The following ARMH4 variants were observed in gnomAD, a reference collection of about 807,000 sequenced individuals.
ARMH4 encodes armadillo like helical domain containing 4.
In ARMH4, 49 loss-of-function variants were observed where a neutral mutation model predicts 61.9. The ratio of observed to expected loss-of-function variants is 0.79; its 90% CI spans 0.63 to 1.00. The LOEUF is 1.00. Ranked by LOEUF, ARMH4 falls within the 50% of genes least tolerant of loss-of-function variation. The pLI is 0.00. For missense variants in ARMH4, 934 were observed against 930.0 expected, an observed-to-expected ratio of 1.00 and a Z score of -0.06; for synonymous variants, 368 against 341.5, an observed-to-expected ratio of 1.08 and a Z score of -0.85.
intron 4 of ARMH4, among the ~76,000 whole-genome samples, chr14:58,102,084 A>G (rs12587506): frequency 0.39 from 59,118 of 152,074 alleles, 13,123 homozygotes; most frequent in Non-Finnish European, 0.51. Flanking sequence ...CCTCAAGGTG[A>G]TAACGTTTTG....
At chr14:58,038,534 C>T (rs1481125213) in intron 5 of ARMH4, among the ~76,000 whole-genome samples, 2 of 110,300 alleles carry the variant, frequency 1.8e-5, no homozygotes, top group Admixed American at 9.2e-5. Flanking sequence ...CACATGTACC[C>T]TAAAATTTAA....
chr14:58,143,522 G>A (rs1356641512), intron 1 of ARMH4, among the ~76,000 whole-genome samples: 1 of 152,160 alleles, frequency 6.6e-6, no homozygotes, highest in Non-Finnish European at 1.5e-5. Flanking sequence ...GGAGTGCACT[G>A]ATGCCATCTC....
Position 58,096,982 on chromosome 14 carries a change from C to T in ARMH4, c.1832-1G>A. 1 of 1,612,814 alleles carries T rather than the reference C, an allele frequency of 6.2e-7. No homozygotes were observed. The highest frequency in any genetic ancestry group is 8.5e-7 in the Non-Finnish European group (1 of 1,179,080). On this transcript the variant is annotated splice_acceptor_variant, in intron 4 of 7. Transcript: ENST00000267485. LOFTEE classifies it high-confidence loss of function. The stretch of plus-strand genomic sequence containing the variant: ...TCTTCATCCTCATCTTCTTGTCCCT[C>T]TAGGCAAAAAGAAATCAAAGGGAAG...
intron 5 of ARMH4, among the ~76,000 whole-genome samples, chr14:58,092,686 C>T (rs950126959): frequency 2.6e-5 from 4 of 152,152 alleles, no homozygotes; most frequent in African/African-American, 9.7e-5. Context: ...ACTCCGACCT[C>T]GCTCCCATCA....
intron 5 of ARMH4, among the ~76,000 whole-genome samples, chr14:58,020,572 GTC>G (rs1465054502): frequency 6.6e-6 from 1 of 151,698 alleles, no homozygotes; most frequent in Non-Finnish European, 1.5e-5. Context: ...TTCTCTCCCT[GTC>G]TCTCTCTTCC....
Position 58,002,989 on chromosome 14 carries a change from G to T in ARMH4, c.*1747C>A, listed in dbSNP as rs1002353774. The stretch of plus-strand genomic sequence containing the variant: ...TTATTCAAAAACGGATTCTAGGAAG[G>T]TTTATTAGTTCCATAGAGGTGATAC... On this transcript the variant is annotated 3_prime_UTR_variant, in exon 8 of 8. Coordinates refer to ENST00000267485, the MANE Select transcript of ARMH4 (RefSeq NM_001001872.4). The T allele has an allele frequency of 3.3e-5, 5 of 152,156 alleles. No homozygotes were observed. The highest frequency in any genetic ancestry group is 1.2e-4 in the African/African-American group (5 of 41,444). 9.4% of individuals were successfully genotyped at this position (152,156 alleles called of 1,614,324 possible). A position where few individuals can be genotyped will look rare whatever the true frequency, so the allele number is the denominator to read the frequency against.
At chr14:58,086,968 G>C (rs1885405612) in intron 5 of ARMH4, among the ~76,000 whole-genome samples, 2 of 152,210 alleles carry the variant, frequency 1.3e-5, no homozygotes, top group South Asian at 4.2e-4. Flanking sequence ...GTCTCAGACA[G>C]AGCAACAAAA....
At chr14:58,029,649 T>C (rs1883155618) in intron 5 of ARMH4, among the ~76,000 whole-genome samples, 1 of 151,914 alleles carries the variant, frequency 6.6e-6, no homozygotes, top group Non-Finnish European at 1.5e-5. Flanking sequence ...AAAACCACAG[T>C]GAGGTAGTAC....
intron 5 of ARMH4, among the ~76,000 whole-genome samples, chr14:58,039,459 A>G (rs1224698333): frequency 6.6e-6 from 1 of 152,210 alleles, no homozygotes; most frequent in African/African-American, 2.4e-5. Flanking sequence ...TTGCATTTTT[A>G]CAACACTTTA....
chr14:58,127,252 C>T (rs1363103457), intron 4 of ARMH4, among the ~76,000 whole-genome samples: 3 of 152,106 alleles, frequency 2.0e-5, no homozygotes, highest in African/African-American at 7.2e-5. Flanking sequence ...TTGTAGCTCC[C>T]ATAATCCCCA....
At chr14:58,081,859 A>G (rs1885236500) in intron 5 of ARMH4, among the ~76,000 whole-genome samples, 1 of 152,000 alleles carries the variant, frequency 6.6e-6, no homozygotes, top group Admixed American at 6.6e-5. Context: ...TAAGGTAGTC[A>G]TGTTGGGATT....
rs1757915598 is a variant in ARMH4, at chr14:58,003,617, C to T, written c.*1119G>A. On this transcript the variant is annotated 3_prime_UTR_variant, in exon 8 of 8. Transcript: ENST00000267485. ...TTTGTATAGGGCAGGGAATTACATT[C>T]CAAGGGAGATGAGAAATGATTGAAC... The T allele has an allele frequency of 6.6e-6, 1 of 152,188 alleles. No homozygotes were observed. Among genetic ancestry groups the T allele is most frequent in the Admixed American group, 6.5e-5 (1 of 15,280 alleles). The allele number at this position is 152,188 out of a possible 1,614,324, so 9.4% of individuals were successfully genotyped here. A position where few individuals can be genotyped will look rare whatever the true frequency, so the allele number is the denominator to read the frequency against.
chr14:58,120,731 G>A (rs1021828687), intron 4 of ARMH4, among the ~76,000 whole-genome samples: 34 of 152,214 alleles, frequency 2.2e-4, no homozygotes, highest in African/African-American at 7.5e-4. Flanking sequence ...AGAAACAATA[G>A]GTGACAAATG....
rs758783966 is a variant in ARMH4 at position 58,133,075 on chromosome 14, T to G, written c.1621+15A>C. 14 of 1,613,452 alleles carry G rather than the reference T, an allele frequency of 8.7e-6. No homozygotes were observed. In the East Asian group the frequency reaches 1.3e-4, roughly 15 times the overall value. On this transcript the variant is annotated intron_variant, in intron 3 of 7. Coordinates refer to ENST00000267485, the MANE Select transcript of ARMH4 (RefSeq NM_001001872.4). ...TCCACCCCCAAAACAGAGTCCAATA[T>G]CCTCCCTTACAGACCTTCCACAGTG...
intron 5 of ARMH4, among the ~76,000 whole-genome samples, chr14:58,050,300 G>A (rs751533904): frequency 3.9e-5 from 6 of 152,212 alleles, no homozygotes; most frequent in Admixed American, 2.6e-4. Flanking sequence ...GTCCTTAAAC[G>A]CTGGAGTAGA....
At chr14:58,076,649 G>GT (rs931256232) in intron 5 of ARMH4, among the ~76,000 whole-genome samples, 7 of 152,110 alleles carry the variant, frequency 4.6e-5, no homozygotes, top group African/African-American at 1.4e-4. Context: ...CAGTAAAGTT[G>GT]TTTTTTTAAA....
At chr14:58,049,033 C>G (rs188026695) in intron 5 of ARMH4, among the ~76,000 whole-genome samples, 225 of 151,978 alleles carry the variant, frequency 1.5e-3, no homozygotes, top group African/African-American at 4.4e-3. Flanking sequence ...GTCAGGAGAT[C>G]GAGACCATCC....
At chr14:58,071,172 A>G (rs920795040) in intron 5 of ARMH4, among the ~76,000 whole-genome samples, 1 of 150,074 alleles carries the variant, frequency 6.7e-6, no homozygotes, top group African/African-American at 2.4e-5. Context: ...ATTATATACA[A>G]TAGTACGGGT....
Position 58,133,317 on chromosome 14 carries a change from G to C in ARMH4, c.1394C>G (p.Thr465Arg). Residue 465 changes from threonine to arginine, a missense_variant, in exon 3 of 8, where the codon ACA (threonine) becomes AGA (arginine). By Grantham distance (71) the Thr-to-Arg change is moderately conservative. Coordinates refer to ENST00000267485, the MANE Select transcript of ARMH4 (RefSeq NM_001001872.4). ...AGTGGCATCTGGCTCTTGAACAGCT[G>C]TTGTCATCTCTTGAGTGATGATGTC... is the stretch of plus-strand genomic sequence containing the variant. ...MKDIITQEMTTAVQEPDATLS... is the reference protein window; with the variant it reads ...MKDIITQEMTRAVQEPDATLS... The C allele has an allele frequency of 6.2e-7, 1 of 1,613,372 alleles. No individual in the cohort carries two copies. Among genetic ancestry groups the C allele is most frequent in the Non-Finnish European group, 8.5e-7 (1 of 1,179,944 alleles).
Sources: gnomAD v4.1 joint callset for allele counts (sites outside exome capture counted in the v4.1 genomes callset) on GRCh38, gnomAD v4.1.1 for gene constraint, MANE v1.5 for transcripts, NCBI Gene and HGNC (gene_info 2026-07-23, HGNC 2026-07-21) for gene names.